The following CTNNA2 variants were observed in gnomAD, a reference collection of about 807,000 sequenced individuals.
The protein encoded by CTNNA2 is catenin alpha 2, also known as catenin alpha-2.
In CTNNA2, 42 loss-of-function variants were observed where a neutral mutation model predicts 101.0. The observed-to-expected ratio is 0.42, with a 90% confidence interval of 0.32 to 0.54. The LOEUF (loss-of-function observed/expected upper bound fraction) is 0.54, where lower values mean the gene tolerates loss of function less well. CTNNA2 is among the 20% of genes least tolerant of loss of function. CTNNA2 has a pLI of 0.14. For synonymous variants in CTNNA2, 450 were observed against 456.4 expected (o/e 0.99, Z 0.18); for missense variants, 871 against 1,223.1 (o/e 0.71, Z 4.29).
At chr2:79,609,762 C>A (rs1405681995) in intron 1 of CTNNA2, among the ~76,000 whole-genome samples, 1 of 152,052 alleles carries the variant, frequency 6.6e-6, no homozygotes, top group African/African-American at 2.4e-5. Flanking sequence ...AAAAAATGAT[C>A]TTCAATCCAT....
At chr2:80,214,963 C>T (rs113779519) in intron 7 of CTNNA2, among the ~76,000 whole-genome samples, 2 of 152,164 alleles carry the variant, frequency 1.3e-5, no homozygotes, top group East Asian at 1.9e-4. Context: ...GTTTCTTTTA[C>T]TCTTTTTTCT....
intron 9 of CTNNA2, among the ~76,000 whole-genome samples, chr2:80,429,716 T>C (rs1273821234): frequency 1.3e-5 from 2 of 152,232 alleles, no homozygotes; most frequent in African/African-American, 4.8e-5. Flanking sequence ...GTGGAACAGA[T>C]CATGCAAACT....
intron 4 of CTNNA2, among the ~76,000 whole-genome samples, chr2:79,383,898 T>C (rs889808095): frequency 6.6e-6 from 1 of 152,164 alleles, no homozygotes; most frequent in Non-Finnish European, 1.5e-5. Context: ...ATGGCATGCC[T>C]ATTGACAGCA....
intron 9 of CTNNA2, among the ~76,000 whole-genome samples, chr2:80,517,172 A>G (rs744957): frequency 0.21 from 32,026 of 152,274 alleles, 3,795 homozygotes; most frequent in Middle Eastern, 0.32. Context: ...ATGGGAGAGC[A>G]TAAGTGTGCT....
At chr2:80,291,544 A>C (rs771488011) in intron 7 of CTNNA2, among the ~76,000 whole-genome samples, 2 of 152,252 alleles carry the variant, frequency 1.3e-5, no homozygotes, top group African/African-American at 2.4e-5. Flanking sequence ...CTGTGATTAC[A>C]CAAAGAAAAA....
intron 2 of CTNNA2, among the ~76,000 whole-genome samples, chr2:79,202,475 T>C (rs1283249486): frequency 6.6e-6 from 1 of 152,166 alleles, no homozygotes; most frequent in Non-Finnish European, 1.5e-5. Context: ...CCCAAACATC[T>C]GGAACTACAG....
chr2:80,643,689 G>A (rs1407202413), intron 18 of CTNNA2, among the ~76,000 whole-genome samples: 1 of 152,132 alleles, frequency 6.6e-6, no homozygotes, highest in Non-Finnish European at 1.5e-5. Context: ...CCAGGTAAAG[G>A]ATTAGATGAC....
intron 2 of CTNNA2, chr2:79,281,674 A>G (rs1675387654): frequency 6.6e-6 from 1 of 152,196 alleles, no homozygotes; most frequent in Non-Finnish European, 1.5e-5. Flanking sequence ...TCACAGTTTC[A>G]GTATTTGACA....
intron 12 of CTNNA2, among the ~76,000 whole-genome samples, chr2:80,569,333 T>C (rs953913173): frequency 9.9e-5 from 15 of 152,200 alleles, no homozygotes; most frequent in Non-Finnish European, 1.9e-4. Flanking sequence ...TACAGAAATA[T>C]AGCTAGAATT....
At chr2:79,615,242 T>C (rs899757904) in intron 1 of CTNNA2, among the ~76,000 whole-genome samples, 29 of 152,070 alleles carry the variant, frequency 1.9e-4, no homozygotes, top group African/African-American at 7.0e-4. Context: ...TGAAAACAAA[T>C]TTGGTATAAT....
chr2:80,309,079 A>G (rs571093252), intron 7 of CTNNA2, among the ~76,000 whole-genome samples: 1 of 151,948 alleles, frequency 6.6e-6, no homozygotes, highest in Non-Finnish European at 1.5e-5. Context: ...ACAGAGTGAG[A>G]CTCTGTCTCA....
chr2:80,462,385 A>G (rs566761594), intron 9 of CTNNA2, among the ~76,000 whole-genome samples: 330 of 152,274 alleles, frequency 2.2e-3, no homozygotes, highest in African/African-American at 7.6e-3. Flanking sequence ...TAGAGTCTCT[A>G]TCTAGGGTAT....
intron 7 of CTNNA2, among the ~76,000 whole-genome samples, chr2:80,049,990 G>C (rs1374627112): frequency 6.6e-6 from 1 of 152,062 alleles, no homozygotes; most frequent in African/African-American, 2.4e-5. Context: ...CTGCTACCAG[G>C]AGCGATGTCT....
chr2:79,404,533 A>G (rs1409016123), intron 4 of CTNNA2, among the ~76,000 whole-genome samples: 1 of 152,090 alleles, frequency 6.6e-6, no homozygotes, highest in Non-Finnish European at 1.5e-5. Flanking sequence ...AAGAGCTGCC[A>G]GGTAGGCACT....
intron 3 of CTNNA2, among the ~76,000 whole-genome samples, chr2:79,745,767 G>A (rs182655750): frequency 3.9e-5 from 6 of 152,054 alleles, no homozygotes; most frequent in South Asian, 2.1e-4. Flanking sequence ...GAATTCCATC[G>A]TATGTATATA....
chr2:80,305,664 T>C lies in CTNNA2; in HGVS notation c.1057-87547T>C, dbSNP rs1261916675. On this transcript the variant is annotated intron_variant, in intron 7 of 18. Coordinates refer to ENST00000402739, the MANE Select transcript of CTNNA2 (RefSeq NM_001282597.3). ...GCCTCATTATTTCTATTCATAATCATTTATAGATAGGAGTCCTTACAATGA... is the reference window on the plus strand; with the variant it reads ...GCCTCATTATTTCTATTCATAATCACTTATAGATAGGAGTCCTTACAATGA... Among the ~76,000 whole-genome samples, 9 of 152,212 alleles carry C rather than the reference T, an allele frequency of 5.9e-5. No individual in the cohort carries two copies. The East Asian group carries it at 1.2e-3, about 20-fold the overall frequency.
At chr2:79,665,525 G>A (rs1283520323) in intron 2 of CTNNA2, among the ~76,000 whole-genome samples, 3 of 152,220 alleles carry the variant, frequency 2.0e-5, no homozygotes, top group Admixed American at 6.5e-5. Flanking sequence ...CTGAGAAATG[G>A]GACTGTCTCT....
At chr2:80,361,612 CAT>C (rs1674411019) in intron 7 of CTNNA2, among the ~76,000 whole-genome samples, 1 of 152,082 alleles carries the variant, frequency 6.6e-6, no homozygotes, top group Non-Finnish European at 1.5e-5. Context: ...AAAATCATGA[CAT>C]GACACGGTCA....
intron 3 of CTNNA2, among the ~76,000 whole-genome samples, chr2:79,747,285 G>A (rs1331417747): frequency 2.0e-5 from 3 of 152,164 alleles, no homozygotes; most frequent in Admixed American, 6.5e-5. Context: ...CTTCTGAATT[G>A]CAGATGGACG....
Sources: gnomAD v4.1 joint callset for allele counts (sites outside exome capture counted in the v4.1 genomes callset) on GRCh38, gnomAD v4.1.1 for gene constraint, MANE v1.5 for transcripts, NCBI Gene and HGNC (gene_info 2026-07-23, HGNC 2026-07-21) for gene names.